Variants in EIF2A observed in about 807,000 individuals in gnomAD.
EIF2A encodes eukaryotic translation initiation factor 2A.
Under a neutral mutation model 75.2 loss-of-function variants are expected in EIF2A, and 62 were observed. The ratio of observed to expected loss-of-function variants is 0.82; its 90% confidence interval spans 0.67 to 1.02. EIF2A has a LOEUF of 1.02. EIF2A is among the 50% of genes least tolerant of loss of function. The probability of loss-of-function intolerance (pLI) is 0.00; values close to 1 mark genes in which losing one functional copy is unlikely to be tolerated. For synonymous variants in EIF2A, 207 were observed against 239.0 expected (o/e 0.87, Z 1.23); for missense variants, 611 against 677.7 (o/e 0.90, Z 1.09).
chr3:150,553,062 A>G (rs1483524200), intron 2 of EIF2A, among the ~76,000 whole-genome samples: 1 of 152,178 alleles, frequency 6.6e-6, no homozygotes, highest in Non-Finnish European at 1.5e-5. Flanking sequence ...CACGCCTGTA[A>G]TCCCAGCACT....
chr3:150,550,431 T>G lies in EIF2A; in HGVS notation c.29-1925T>G, dbSNP rs1723258672. Among the ~76,000 whole-genome samples, 2 of 152,244 alleles carry G rather than the reference T, an allele frequency of 1.3e-5. 1 individual carries two copies. Among genetic ancestry groups the G allele is most frequent in the South Asian group, 4.1e-4 (2 of 4,834 alleles). ...AGTTTATGTTCTGTTATGGACCTGA[T>G]TTTGTGTTTTTTTCTAATAAACTTT... On this transcript the variant is annotated intron_variant, in intron 1 of 13. Coordinates refer to ENST00000460851, the MANE Select transcript of EIF2A (RefSeq NM_032025.5).
At position 150,568,115 on chromosome 3, in the gene EIF2A, A is replaced by G. The variant is rs1047540989; in HGVS notation, c.695-61A>G. 3.1e-6 allele frequency: 5 copies of G among 1,601,662 alleles called. No homozygotes were observed. In the African/African-American group the frequency reaches 5.4e-5, roughly 17 times the overall value. On this transcript the variant is annotated intron_variant, in intron 8 of 13. Transcript: ENST00000460851. ...TAATTTAGGCTATATTCCTATGTGT[A>G]TAACAGAAGAATCAATGCCCATTTG...
At chr3:150,568,858 A>G (rs1460787803) in intron 9 of EIF2A, among the ~76,000 whole-genome samples, 1 of 152,242 alleles carries the variant, frequency 6.6e-6, no homozygotes, top group Non-Finnish European at 1.5e-5. Context: ...TCAAGGCTGC[A>G]GTGAGCTATG....
intron 1 of EIF2A, among the ~76,000 whole-genome samples, chr3:150,548,028 G>C (rs773647962): frequency 2.6e-5 from 4 of 152,126 alleles, no homozygotes; most frequent in Non-Finnish European, 5.9e-5. Flanking sequence ...GCCTACAGTA[G>C]GTAGTTCCTC....
chr3:150,552,709 G>T (rs1723375598), intron 2 of EIF2A: 2 of 222,354 alleles, frequency 9.0e-6, no homozygotes, highest in Non-Finnish European at 1.7e-5. Context: ...TACAAGAGTT[G>T]TATCTTAAGG....
At chr3:150,547,304 G>C (rs1431616653) in intron 1 of EIF2A, 1 of 173,954 alleles carries the variant, frequency 5.7e-6, no homozygotes, top group Non-Finnish European at 1.3e-5. Flanking sequence ...GGACTGAATA[G>C]GGAGAGTGGA....
In EIF2A at chr3:150,572,225, C is replaced by A. The variant is rs1226419920; in HGVS notation, c.1079C>A (p.Ser360Tyr). The A allele has an allele frequency of 1.9e-6, 3 of 1,613,944 alleles. No individual in the cohort carries two copies. The highest frequency in any genetic ancestry group is 2.2e-5 in the South Asian group (2 of 91,070). ...ATTTCTAAACCGGTGGCTTCTGATT[C>A]TACATATTTTGCTTGGTGCCCGGAT... ...KLISKPVASD[S>Y]TYFAWCPDGE... is the part of the protein sequence containing the mutation. The change falls in exon 10 of 14, where the codon TCT becomes TAT. Residue 360 changes from serine (S) to tyrosine (Y), a missense_variant. Physicochemically the swap from Ser to Tyr is moderately radical, Grantham distance 144. Transcript: ENST00000460851.
rs1725401989 is a variant in EIF2A, at chr3:150,585,155, A to G, written c.*1244A>G. ...AGTGATCCTTCACCTCCTCCTTCCA[A>G]GTATCTGACACTACAGGCTTGCATC... On this transcript the variant is annotated 3_prime_UTR_variant, in exon 14 of 14. Coordinates refer to ENST00000460851, the MANE Select transcript of EIF2A (RefSeq NM_032025.5). 1.3e-5 allele frequency among the ~76,000 whole-genome samples: 2 copies of G among 152,184 alleles called. No individual in the cohort carries two copies. Among genetic ancestry groups the G allele is most frequent in the South Asian group, 4.2e-4 (2 of 4,816 alleles).
chr3:150,559,115 C>A (rs994921504), intron 3 of EIF2A, among the ~76,000 whole-genome samples: 3 of 152,108 alleles, frequency 2.0e-5, no homozygotes, highest in Non-Finnish European at 4.4e-5. Context: ...TTGTTCTAAA[C>A]CACATATAAT....
chr3:150,575,904 C>G (rs577740997), intron 11 of EIF2A, 142 bp downstream of exon 11: 502 of 636,510 alleles, frequency 7.9e-4, no homozygotes, highest in Non-Finnish European at 1.2e-3. Flanking sequence ...GACTGGCCAA[C>G]GTGGTGAAAC....
At chr3:150,562,706 G>A (rs1036710236) in intron 4 of EIF2A, 46 bp downstream of exon 4, 19 of 1,413,242 alleles carry the variant, frequency 1.3e-5, no homozygotes, top group Admixed American at 7.8e-5. Flanking sequence ...GATCAATTAC[G>A]TTTAGTGGGG....
At chr3:150,566,564 A>G (rs1724193803) in intron 6 of EIF2A, 1 of 152,032 alleles carries the variant, frequency 6.6e-6, no homozygotes, top group African/African-American at 2.4e-5. Flanking sequence ...TTAAAGTTTT[A>G]TACGTATAGT....
At chr3:150,579,538 C>T (rs1725053568) in intron 11 of EIF2A, among the ~76,000 whole-genome samples, 1 of 151,838 alleles carries the variant, frequency 6.6e-6, no homozygotes, top group Admixed American at 6.6e-5. Context: ...GGTGAAACCC[C>T]ATCTCTACTA....
chr3:150,549,222 C>CTTTTT (rs11341363), intron 1 of EIF2A, among the ~76,000 whole-genome samples: 2 of 136,534 alleles, frequency 1.5e-5, no homozygotes, highest in African/African-American at 5.4e-5. Context: ...TTCTTTCTTT[C>CTTTTT]TTTTTTTTTT....
At chr3:150,562,011 G>A (rs1301302008) in intron 3 of EIF2A, among the ~76,000 whole-genome samples, 1 of 151,814 alleles carries the variant, frequency 6.6e-6, no homozygotes, top group Non-Finnish European at 1.5e-5. Flanking sequence ...CACCCACCTC[G>A]ACCTCCCAAA....
chr3:150,552,321 A>G, intron 1 of EIF2A, 35 bp from the exon 2 acceptor site: 1 of 1,529,862 alleles, frequency 6.5e-7, no homozygotes, highest in Non-Finnish European at 8.8e-7. Flanking sequence ...TTTATTAACA[A>G]AGTAATTGTG....
At chr3:150,564,184 T>C in intron 5 of EIF2A, 115 bp from the exon 6 acceptor site, 1 of 741,414 alleles carries the variant, frequency 1.3e-6, no homozygotes, top group Non-Finnish European at 2.1e-6. Context: ...TATAAGTGTT[T>C]ATAAGTGTTT....
Position 150,585,882 on chromosome 3 carries a change from T to A in EIF2A, c.*1971T>A, listed in dbSNP as rs1725453236. ...GAGCTTGTTCTGTCTCTTTGGGCCA[T>A]GTGAAGACATGGTGAGAAAGCAGCC... On this transcript the variant is annotated 3_prime_UTR_variant, in exon 14 of 14. Coordinates refer to ENST00000460851, the MANE Select transcript of EIF2A (RefSeq NM_032025.5). 6.6e-6 allele frequency among the ~76,000 whole-genome samples: 1 copy of A among 152,182 alleles called. No individual in the cohort carries two copies. Among genetic ancestry groups the A allele is most frequent in the Admixed American group, 6.6e-5 (1 of 15,266 alleles).
At chr3:150,575,457 A>G (rs1166303816) in intron 10 of EIF2A, among the ~76,000 whole-genome samples, 192 bp from the exon 11 acceptor site, 1 of 152,242 alleles carries the variant, frequency 6.6e-6, no homozygotes. Context: ...ATAGGAACTA[A>G]TAGGAAGACC....
Sources: allele counts gnomAD v4.1 joint callset (sites outside exome capture counted in the v4.1 genomes callset), GRCh38; gene constraint gnomAD v4.1.1; transcripts MANE v1.5; gene names NCBI Gene and HGNC (gene_info 2026-07-23, HGNC 2026-07-21).